GGTA1: variants seen among roughly 807,000 people sequenced by gnomAD.
GGTA1 encodes the protein inactive N-acetyllactosaminide alpha-1,3-galactosyltransferase.
Under a neutral mutation model 2.6 loss-of-function variants are expected in GGTA1, and 5 were observed. The observed-to-expected ratio is 1.92, with a 90% CI of 1.00 to 4.04. The LOEUF is 4.04. Ranked by LOEUF, GGTA1 falls within the 30% of genes most tolerant of loss-of-function variation. The pLI, the probability that GGTA1 is intolerant of heterozygous loss-of-function variation, is 0.00. For missense variants in GGTA1, 50 were observed against 16.7 expected (o/e 2.99, Z -3.47); for synonymous variants, 17 against 5.0 (o/e 3.38, Z -3.19).
At chr9:121,471,743 G>A (rs769012) in intron 1 of GGTA1, among the ~76,000 whole-genome samples, 78,012 of 151,966 alleles carry the variant, frequency 0.51, 20,717 homozygotes, top group South Asian at 0.66. Context: ...TTCCCTCTAA[G>A]TACCATATGA....
chr9:121,478,357 C>T (rs1000442822), intron 1 of GGTA1, among the ~76,000 whole-genome samples: 11 of 152,298 alleles, frequency 7.2e-5, no homozygotes, highest in African/African-American at 2.4e-4. Context: ...ATGGTCAGTG[C>T]GGTGGCCTTA....
chr9:121,463,500 T>C (rs966079178), intron 2 of GGTA1, among the ~76,000 whole-genome samples, 172 bp from the exon 3 acceptor site: 1 of 152,096 alleles, frequency 6.6e-6, no homozygotes, highest in African/African-American at 2.4e-5. Context: ...GGATGGAAAT[T>C]TCCACTTCAG....
Position 121,472,697 on chromosome 9 carries a change from C to T in GGTA1, c.-9-4766G>A, listed in dbSNP as rs1169174775. Reference sequence around the variant, plus strand: ...GATCAAGCCTCAGGCGCTGCTACAACCCCCTATGTGTGCCGAGGAGGCAAC... The same window carrying T: ...GATCAAGCCTCAGGCGCTGCTACAATCCCCTATGTGTGCCGAGGAGGCAAC... On this transcript the variant is annotated intron_variant, in intron 1 of 5. Coordinates refer to ENST00000481799, the MANE Select transcript of GGTA1 (RefSeq NM_001382585.1). Among the ~76,000 whole-genome samples the T allele has an allele frequency of 2.6e-5, 4 of 151,096 alleles. No individual in the cohort carries two copies. In the East Asian group the frequency reaches 5.9e-4, roughly 22 times the overall value.
At chr9:121,497,639 G>A (rs1188425620) in intron 1 of GGTA1, among the ~76,000 whole-genome samples, 3 of 152,112 alleles carry the variant, frequency 2.0e-5, no homozygotes, top group Non-Finnish European at 4.4e-5. Flanking sequence ...GACAGAGACT[G>A]AGTCCGTTCT....
intron 1 of GGTA1, among the ~76,000 whole-genome samples, chr9:121,471,977 C>T (rs10985262): frequency 0.31 from 47,487 of 152,080 alleles, 7,680 homozygotes; most frequent in Middle Eastern, 0.4. Context: ...TAGCCACAGG[C>T]TTTGGAGTGA....
chr9:121,460,717 C>T (rs1397702673), intron 4 of GGTA1, among the ~76,000 whole-genome samples: 1 of 151,966 alleles, frequency 6.6e-6, no homozygotes, highest in Admixed American at 6.6e-5. Context: ...TGGTGGCGGG[C>T]GCCTGTAATC....
Position 121,498,533 on chromosome 9 carries a change from T to C in GGTA1, c.-10+1117A>G, listed in dbSNP as rs116553408. 7.1e-3 allele frequency among the ~76,000 whole-genome samples: 1,076 copies of C among 152,320 alleles called. 18 individuals carry two copies. The highest frequency in any genetic ancestry group is 0.024 in the African/African-American group (1,011 of 41,566). ...CAGAGACTGGAAGGAAGGTCTCCAGTAGTATCCTTATTTCACAATCGGGGA... is the reference window on the plus strand; with the variant it reads ...CAGAGACTGGAAGGAAGGTCTCCAGCAGTATCCTTATTTCACAATCGGGGA... On this transcript the variant is annotated intron_variant, in intron 1 of 5. Coordinates refer to ENST00000481799, the MANE Select transcript of GGTA1 (RefSeq NM_001382585.1).
chr9:121,487,030 G>A (rs1828771127), intron 1 of GGTA1, among the ~76,000 whole-genome samples: 1 of 152,106 alleles, frequency 6.6e-6, no homozygotes, highest in Non-Finnish European at 1.5e-5. Flanking sequence ...AACTCTGGGG[G>A]AAGAGACAGG....
intron 1 of GGTA1, among the ~76,000 whole-genome samples, chr9:121,473,557 G>T (rs1357578618): frequency 1.3e-5 from 2 of 152,106 alleles, no homozygotes; most frequent in Non-Finnish European, 2.9e-5. Context: ...TTCTTCCCTT[G>T]TGTGTTTGTC....
At chr9:121,489,367 C>A (rs1828826871) in intron 1 of GGTA1, among the ~76,000 whole-genome samples, 1 of 151,986 alleles carries the variant, frequency 6.6e-6, no homozygotes, top group Non-Finnish European at 1.5e-5. Flanking sequence ...CCCAGCTAAT[C>A]CTTTATTTTC....
At chr9:121,473,776 G>A (rs530900246) in intron 1 of GGTA1, among the ~76,000 whole-genome samples, 1 of 152,232 alleles carries the variant, frequency 6.6e-6, no homozygotes, top group Non-Finnish European at 1.5e-5. Context: ...AAGTAGCTGG[G>A]TGTGATGGTG....
At chr9:121,497,488 G>A (rs1166577541) in intron 1 of GGTA1, among the ~76,000 whole-genome samples, 3 of 152,026 alleles carry the variant, frequency 2.0e-5, no homozygotes, top group African/African-American at 7.3e-5. Flanking sequence ...TAGTTGCTGA[G>A]TGCCCATATG....
intron 1 of GGTA1, among the ~76,000 whole-genome samples, chr9:121,471,235 G>A (rs1296145349): frequency 2.0e-5 from 3 of 151,942 alleles, no homozygotes; most frequent in Admixed American, 2.0e-4. Context: ...CAGCAGCTGA[G>A]TCCCCCTTCT....
chr9:121,456,911 A>G (rs951227246), intron 5 of GGTA1, among the ~76,000 whole-genome samples: 1 of 152,058 alleles, frequency 6.6e-6, no homozygotes, highest in Admixed American at 6.5e-5. Context: ...GACACAAGCA[A>G]TCCTCCTGCC....
chr9:121,485,003 T>A (rs1423275086), intron 1 of GGTA1, among the ~76,000 whole-genome samples: 1 of 152,184 alleles, frequency 6.6e-6, no homozygotes. Context: ...ATTAACTCAC[T>A]GCCCCTGGGA....
chr9:121,479,233 G>A (rs778216700), intron 1 of GGTA1: 16 of 407,144 alleles, frequency 3.9e-5, no homozygotes, highest in African/African-American at 6.3e-5. Context: ...ACCTCCTGCC[G>A]CTTTCACCCC....
chr9:121,499,393 T>C (rs72762164), intron 1 of GGTA1, among the ~76,000 whole-genome samples: 41,194 of 151,936 alleles, frequency 0.27, 6,100 homozygotes, highest in Middle Eastern at 0.37. Context: ...CTTGCAGCTC[T>C]TCAGGCTCCA....
chr9:121,492,221 G>A (rs1828883923), intron 1 of GGTA1, among the ~76,000 whole-genome samples: 1 of 152,180 alleles, frequency 6.6e-6, no homozygotes, highest in East Asian at 1.9e-4. Flanking sequence ...CAGGTTTTTG[G>A]TTGGAGCATC....
chr9:121,457,905 AG>A (rs35216963), intron 5 of GGTA1, among the ~76,000 whole-genome samples: 72,548 of 144,936 alleles, frequency 0.5, 18,378 homozygotes, highest in South Asian at 0.66. Flanking sequence ...TTTACAGAAA[AG>A]GATACTTTTT....
Sources: allele counts gnomAD v4.1 joint callset (sites outside exome capture counted in the v4.1 genomes callset), GRCh38; gene constraint gnomAD v4.1.1; transcripts MANE v1.5; gene names NCBI Gene and HGNC (gene_info 2026-07-23, HGNC 2026-07-21).